Variants in PJA2 observed in about 807,000 individuals in gnomAD.
PJA2 encodes praja ring finger ubiquitin ligase 2, also known as E3 ubiquitin-protein ligase Praja-2.
PJA2 carries 25 observed loss-of-function variants against 69.3 expected under a neutral mutation model. The ratio of observed to expected loss-of-function variants is 0.36; its 90% CI spans 0.26 to 0.50. The LOEUF (loss-of-function observed/expected upper bound fraction) is 0.50. Among genes scored for constraint, PJA2 ranks in the 20% least tolerant of loss-of-function variants. PJA2 has a pLI of 0.96. For synonymous variants in PJA2, 308 were observed against 277.8 expected, an observed-to-expected ratio of 1.11 and a Z score of -1.08; for missense variants, 809 against 830.2, an observed-to-expected ratio of 0.97 and a Z score of 0.31.
chr5:109,407,077 A>C (rs1747707152), intron 1 of PJA2, among the ~76,000 whole-genome samples: 1 of 152,216 alleles, frequency 6.6e-6, no homozygotes, highest in Admixed American at 6.5e-5. Context: ...GGGGAGATGA[A>C]AATATTCTAT....
chr5:109,355,097 T>C (rs572485297), intron 7 of PJA2, among the ~76,000 whole-genome samples: 3 of 152,242 alleles, frequency 2.0e-5, no homozygotes, highest in African/African-American at 4.8e-5. Flanking sequence ...GCACTCCAGC[T>C]TGGGTGACAG....
intron 6 of PJA2, among the ~76,000 whole-genome samples, chr5:109,357,345 T>A (rs1028297651): frequency 6.8e-6 from 1 of 147,010 alleles, no homozygotes; most frequent in Non-Finnish European, 1.5e-5. Flanking sequence ...GTAATTAAAA[T>A]TACCCATCTG....
intron 9 of PJA2, among the ~76,000 whole-genome samples, chr5:109,341,323 C>A (rs1762052411): frequency 1.3e-5 from 2 of 150,536 alleles, no homozygotes; most frequent in Non-Finnish European, 3.0e-5. Context: ...GCGCCTCTGC[C>A]CGGCCGAGAC....
chr5:109,397,826 C>A (rs1320108938), intron 1 of PJA2, among the ~76,000 whole-genome samples: 1 of 151,996 alleles, frequency 6.6e-6, no homozygotes, highest in Non-Finnish European at 1.5e-5. Context: ...GAACGGCCAA[C>A]AACAACTTTA....
chr5:109,339,504 C>T (rs1360827668), intron 9 of PJA2, among the ~76,000 whole-genome samples: 1 of 152,070 alleles, frequency 6.6e-6, no homozygotes, highest in Non-Finnish European at 1.5e-5. Flanking sequence ...TAGGTCACTA[C>T]AATAGTAGTT....
At chr5:109,387,246 C>G (rs1392426093) in intron 1 of PJA2, among the ~76,000 whole-genome samples, 1 of 152,068 alleles carries the variant, frequency 6.6e-6, no homozygotes, top group African/African-American at 2.4e-5. Flanking sequence ...TGAATATAGA[C>G]TAGAATCTCT....
chr5:109,361,082 C>T (rs1299150355), intron 6 of PJA2, among the ~76,000 whole-genome samples: 1 of 151,330 alleles, frequency 6.6e-6, no homozygotes, highest in East Asian at 1.9e-4. Flanking sequence ...GAGCCGAGAT[C>T]ACACCACTGC....
At chr5:109,393,661 G>T (rs1747333185) in intron 1 of PJA2, among the ~76,000 whole-genome samples, 1 of 152,066 alleles carries the variant, frequency 6.6e-6, no homozygotes, top group Non-Finnish European at 1.5e-5. Flanking sequence ...TAAAAAAAAT[G>T]TTCATAGAAG....
intron 6 of PJA2, among the ~76,000 whole-genome samples, chr5:109,356,990 C>T (rs186393591): frequency 3.3e-4 from 50 of 152,232 alleles, no homozygotes; most frequent in African/African-American, 1.1e-3. Context: ...AATTGAAAAC[C>T]GTTAAGTATG....
At position 109,338,065 on chromosome 5, in the gene PJA2, G is replaced by A. The variant is rs575694870; in HGVS notation, c.2002-709C>T. 5.9e-5 allele frequency among the ~76,000 whole-genome samples: 9 copies of A among 152,158 alleles called. No individual in the cohort carries two copies. In the South Asian group the frequency reaches 1.2e-3, roughly 21 times the overall value. ...GCACAACATTCTAGGACCAATGGAC[G>A]ATTATAGAGCTACGTTATCTGATAA... On this transcript the variant is annotated intron_variant, in intron 9 of 9. Coordinates refer to ENST00000361189, the MANE Select transcript of PJA2 (RefSeq NM_014819.5).
chr5:109,384,921 G>A (rs1747124374), intron 1 of PJA2, among the ~76,000 whole-genome samples: 1 of 152,048 alleles, frequency 6.6e-6, no homozygotes, highest in Non-Finnish European at 1.5e-5. Flanking sequence ...GGGTTCAAGT[G>A]ATTCTCCTGC....
In PJA2 at chr5:109,334,965, T is replaced by C. The variant is rs959460959; in HGVS notation, c.*2266A>G. 8 of 152,560 alleles carry C rather than the reference T, an allele frequency of 5.2e-5. No individual in the cohort carries two copies. The highest frequency in any genetic ancestry group is 1.2e-4 in the Non-Finnish European group (8 of 68,026). The allele number at this position is 152,560 out of a possible 1,614,324, so 9.5% of individuals were successfully genotyped here. On this transcript the variant is annotated 3_prime_UTR_variant, in exon 10 of 10. Coordinates refer to ENST00000361189, the MANE Select transcript of PJA2 (RefSeq NM_014819.5). ...CCTTTAAATATCAGCATTCATATTATAAGAAATAAGAAAATGTTAAAAAAA... is the reference window on the plus strand; with the variant it reads ...CCTTTAAATATCAGCATTCATATTACAAGAAATAAGAAAATGTTAAAAAAA...
intron 5 of PJA2, among the ~76,000 whole-genome samples, chr5:109,365,835 T>C (rs1293631121): frequency 1.3e-5 from 2 of 152,170 alleles, no homozygotes; most frequent in Non-Finnish European, 2.9e-5. Flanking sequence ...ACACAGTTGT[T>C]TGTATATTTA....
chr5:109,378,624 C>A lies in PJA2; in HGVS notation c.863G>T (p.Cys288Phe), dbSNP rs142427034. 2.4e-5 allele frequency: 39 copies of A among 1,614,168 alleles called. No homozygotes were observed. The African/African-American group carries it at 4.4e-4, about 18-fold the overall frequency. ...TTCACTACAAATATGCCCTGGACCA[C>A]AGGCTGCATCTTCAGGTGAATGTTC... Reference protein sequence around the residue: ...QTEHSPEDAACGPGHICSEQN... With the variant: ...QTEHSPEDAAFGPGHICSEQN... Residue 288 changes from cysteine to phenylalanine, a missense_variant, in exon 4 of 10, where the codon TGT becomes TTT. Around this residue, in one of 4 missense-constraint regions of PJA2, gnomAD observed 700 missense variants for 639.5 expected, o/e 1.09. Coordinates refer to ENST00000361189, the MANE Select transcript of PJA2 (RefSeq NM_014819.5).
chr5:109,354,855 C>T (rs957679804), intron 7 of PJA2, among the ~76,000 whole-genome samples: 8 of 151,688 alleles, frequency 5.3e-5, no homozygotes, highest in Non-Finnish European at 1.2e-4. Context: ...TGACTCATGT[C>T]TATAATCCCA....
At chr5:109,344,459 C>T in intron 8 of PJA2, 148 bp from the exon 9 acceptor site, 1 of 882,540 alleles carries the variant, frequency 1.1e-6, no homozygotes, top group South Asian at 2.3e-5. Flanking sequence ...CTGTCTAATA[C>T]TTGGCAATTT....
intron 1 of PJA2, among the ~76,000 whole-genome samples, chr5:109,395,931 C>T (rs1170123531): frequency 1.4e-5 from 2 of 147,664 alleles, no homozygotes; most frequent in African/African-American, 5.0e-5. Flanking sequence ...ACCCGGGAGG[C>T]AGAGATTGCA....
intron 9 of PJA2, among the ~76,000 whole-genome samples, chr5:109,341,589 G>A (rs1253992093): frequency 1.3e-3 from 180 of 137,980 alleles, no homozygotes; most frequent in African/African-American, 4.3e-3. Context: ...CGCCCCGTCC[G>A]GGAGGGAGGT....
intron 7 of PJA2, among the ~76,000 whole-genome samples, chr5:109,348,274 C>CT (rs1301820731): frequency 1.3e-5 from 2 of 152,158 alleles, no homozygotes; most frequent in Non-Finnish European, 2.9e-5. Flanking sequence ...ACTCAGGTCT[C>CT]TTAAACCTCA....
Sources: allele counts gnomAD v4.1 joint callset (sites outside exome capture counted in the v4.1 genomes callset), GRCh38; gene constraint gnomAD v4.1.1; regional missense constraint gnomAD v4.1.1; transcripts MANE v1.5; gene names NCBI Gene and HGNC (gene_info 2026-07-23, HGNC 2026-07-21).